Variants in SLC19A3 observed in about 807,000 individuals in gnomAD.
The protein encoded by SLC19A3 is thiamine transporter 2.
A neutral mutation model predicts 40.2 loss-of-function variants in SLC19A3; 31 were observed. That is an observed-to-expected ratio of 0.77 (90% confidence interval 0.58 to 1.04). SLC19A3 has a LOEUF of 1.04. SLC19A3 is among the 50% of genes least tolerant of loss of function. The pLI, the probability that SLC19A3 is intolerant of heterozygous loss-of-function variation, is 0.00. For missense variants in SLC19A3, 592 were observed against 596.7 expected (o/e 0.99, Z 0.08); for synonymous variants, 212 against 227.5 (o/e 0.93, Z 0.61).
At chr2:227,700,027 G>A (rs1020292996) in intron 2 of SLC19A3, among the ~76,000 whole-genome samples, 3 of 151,616 alleles carry the variant, frequency 2.0e-5, no homozygotes, top group Non-Finnish European at 4.4e-5. Context: ...ACAGGCACCC[G>A]CCATCATGCC....
In SLC19A3 at chr2:227,696,068, G is replaced by A. The variant is rs760600922; in HGVS notation, c.993C>T (p.Ala331=). 4 of 1,573,294 alleles carry A rather than the reference G, an allele frequency of 2.5e-6. No homozygotes were observed. The African/African-American group carries it at 6.3e-5, about 25-fold the overall frequency. Residue 331 remains alanine, a synonymous_variant, in exon 4 of 6, where the codon GCC becomes GCT. Coordinates refer to ENST00000644224, the MANE Select transcript of SLC19A3 (RefSeq NM_025243.4). ...AIATFGGAVA[A]FAVGYVKVNW... is the part of the protein sequence containing the mutation. ...TGACTTTCACATAACCCACTGCAAA[G>A]GCAGCCACAGCCCCTGAAAAAAAAC...
At position 227,686,118 on chromosome 2, in the gene SLC19A3, A is replaced by T. The variant is rs1400683380; in HGVS notation, c.*1279T>A. On this transcript the variant is annotated 3_prime_UTR_variant, in exon 6 of 6. Coordinates refer to ENST00000644224, the MANE Select transcript of SLC19A3 (RefSeq NM_025243.4). ...AGGCTGAGGTAGGAGAATGGCTTGA[A>T]CTCAGGAGGTGAAGTTTGCAGTGAG... is the stretch of plus-strand genomic sequence containing the variant. The T allele has an allele frequency of 4.5e-6, 2 of 448,308 alleles. No individual in the cohort carries two copies. The highest frequency in any genetic ancestry group is 4.0e-5 in the African/African-American group (2 of 49,562). The allele number at this position is 448,308 out of a possible 1,614,324, so 27.8% of individuals were successfully genotyped here.
rs376041742 is a variant in SLC19A3, at chr2:227,684,749, G to A, written c.*2648C>T. 1 of 152,072 alleles carries A rather than the reference G, an allele frequency of 6.6e-6. No homozygotes were observed. Among genetic ancestry groups the A allele is most frequent in the Non-Finnish European group, 1.5e-5 (1 of 68,062 alleles). 9.4% of individuals were successfully genotyped at this position (152,072 alleles called of 1,614,324 possible). On this transcript the variant is annotated 3_prime_UTR_variant, in exon 6 of 6. Coordinates refer to ENST00000644224, the MANE Select transcript of SLC19A3 (RefSeq NM_025243.4). ...TGTAATCCCAACACTTTGGGAGACC[G>A]AGACGGGCGGATCACCTGAGACCAG...
chr2:227,695,153 T>C (rs180846771), intron 4 of SLC19A3, among the ~76,000 whole-genome samples: 1 of 152,360 alleles, frequency 6.6e-6, no homozygotes, highest in East Asian at 1.9e-4. Flanking sequence ...TCCAACTTTT[T>C]AATAACTTTC....
At position 227,699,363 on chromosome 2, in the gene SLC19A3, C is replaced by G; in HGVS notation, c.352G>C (p.Ala118Pro). The G allele has an allele frequency of 6.2e-7, 1 of 1,614,132 alleles. No homozygotes were observed. The highest frequency in any genetic ancestry group is 8.5e-7 in the Non-Finnish European group (1 of 1,180,028). Reference sequence around the variant, plus strand: ...TAGGCGTAGTAGGCCACCTCGGCGGCGGTGACCATCCCATAGAAGAACTCT... The same window carrying G: ...TAGGCGTAGTAGGCCACCTCGGCGGGGGTGACCATCCCATAGAAGAACTCT... ...VVEFFYGMVT[A>P]AEVAYYAYIY... Residue 118 changes from alanine to proline, a missense_variant, in exon 3 of 6, where the codon GCC becomes CCC. Coordinates refer to ENST00000644224, the MANE Select transcript of SLC19A3 (RefSeq NM_025243.4).
intron 1 of SLC19A3, among the ~76,000 whole-genome samples, chr2:227,710,767 G>T (rs1696110413): frequency 6.6e-6 from 1 of 152,078 alleles, no homozygotes; most frequent in African/African-American, 2.4e-5. Context: ...ATTCCCAAAA[G>T]TTTTAGCTTA....
At chr2:227,712,869 T>A (rs1006567467) in intron 1 of SLC19A3, among the ~76,000 whole-genome samples, 6 of 151,854 alleles carry the variant, frequency 4.0e-5, no homozygotes, top group Non-Finnish European at 8.8e-5. Context: ...AAAACTTATC[T>A]GTAGTGATGG....
At chr2:227,691,073 G>A (rs898660684) in intron 4 of SLC19A3, among the ~76,000 whole-genome samples, 4 of 151,884 alleles carry the variant, frequency 2.6e-5, no homozygotes, top group African/African-American at 4.8e-5. Flanking sequence ...ATCAAACATC[G>A]TCTCTGACCA....
At chr2:227,715,219 C>T (rs1367015303) in intron 1 of SLC19A3, among the ~76,000 whole-genome samples, 2 of 151,742 alleles carry the variant, frequency 1.3e-5, no homozygotes, top group African/African-American at 4.8e-5. Flanking sequence ...AGCCTTATCA[C>T]CCATCTATAA....
chr2:227,709,839 G>A (rs1008730340), intron 1 of SLC19A3, among the ~76,000 whole-genome samples: 4 of 152,120 alleles, frequency 2.6e-5, no homozygotes, highest in African/African-American at 9.7e-5. Flanking sequence ...TAACCCAGAT[G>A]CCAGTAATTT....
chr2:227,698,962 G>C lies in SLC19A3; in HGVS notation c.753C>G (p.Ser251Arg), dbSNP rs747550083. The C allele has an allele frequency of 3.1e-6, 5 of 1,614,186 alleles. No individual in the cohort carries two copies. The highest frequency in any genetic ancestry group is 4.2e-6 in the Non-Finnish European group (5 of 1,180,032). ...SGKLNKGQLN[S>R]LKPSNVTVDV... ...CCACAGTCACATTGCTTGGTTTCAG[G>C]CTGTTCAGCTGGCCCTTATTCAGCT... is the stretch of plus-strand genomic sequence containing the variant. The change falls in exon 3 of 6, where the codon AGC becomes AGG. Residue 251 changes from serine (S) to arginine (R), a missense_variant. By Grantham distance (110) the Ser-to-Arg change is moderately radical. Coordinates refer to ENST00000644224, the MANE Select transcript of SLC19A3 (RefSeq NM_025243.4).
rs1011760451 is a variant in SLC19A3, at chr2:227,686,244, A to T, written c.*1153T>A. 1 of 361,858 alleles carries T rather than the reference A, an allele frequency of 2.8e-6. No homozygotes were observed. Among genetic ancestry groups the T allele is most frequent in the Admixed American group, 3.2e-5 (1 of 30,902 alleles). The allele number at this position is 361,858 out of a possible 1,614,324, so 22.4% of individuals were successfully genotyped here. A position where few individuals can be genotyped will look rare whatever the true frequency, so the allele number is the denominator to read the frequency against. On this transcript the variant is annotated 3_prime_UTR_variant, in exon 6 of 6. Transcript: ENST00000644224. The stretch of plus-strand genomic sequence containing the variant: ...GGTGTTTTATTCCACTCCCCCCATC[A>T]GTGTTTTCTTATTTCTAATACTTCT...
intron 4 of SLC19A3, among the ~76,000 whole-genome samples, chr2:227,694,982 C>T (rs1695371008): frequency 6.6e-6 from 1 of 152,148 alleles, no homozygotes; most frequent in African/African-American, 2.4e-5. Context: ...ACTGCTTGAG[C>T]CCAGGAGATC....
In SLC19A3 at chr2:227,707,364, C is replaced by A. The variant is rs117583510; in HGVS notation, c.-2-5044G>T. Among the ~76,000 whole-genome samples, 491 of 152,194 alleles carry A rather than the reference C, an allele frequency of 3.2e-3. 18 individuals are homozygous for A. The East Asian group carries it at 0.088, about 27-fold the overall frequency. On this transcript the variant is annotated intron_variant, in intron 1 of 5. Transcript: ENST00000644224. The stretch of plus-strand genomic sequence containing the variant: ...CTGTGGGAGGCCAAGTCAGGTGGAT[C>A]GCTTGAGCTCAGGTGTTCGAGACTA...
chr2:227,687,193 C>T lies in SLC19A3; in HGVS notation c.*204G>A, dbSNP rs560082192. On this transcript the variant is annotated 3_prime_UTR_variant, in exon 6 of 6. Transcript: ENST00000644224. ...AATATGGGTTGTTTAATTATGATGA[C>T]GGGTCCTGTCAATTGCATCCAGTAA... The T allele has an allele frequency of 3.0e-4, 158 of 519,934 alleles. No homozygotes were observed. The highest frequency in any genetic ancestry group is 3.8e-4 in the African/African-American group (20 of 52,396). The allele number at this position is 519,934 out of a possible 1,614,324, so 32.2% of individuals were successfully genotyped here. A position where few individuals can be genotyped will look rare whatever the true frequency, so the allele number is the denominator to read the frequency against.
At chr2:227,706,427 C>T in intron 1 of SLC19A3, 1 of 1,230,926 alleles carries the variant, frequency 8.1e-7, no homozygotes, top group Non-Finnish European at 1.0e-6. Flanking sequence ...TTATTATAAG[C>T]TCTATCACTT....
rs997233344 is a variant in SLC19A3 at position 227,686,640 on chromosome 2, C to T, written c.*757G>A. On this transcript the variant is annotated 3_prime_UTR_variant, in exon 6 of 6. Transcript: ENST00000644224. Reference sequence around the variant, plus strand: ...GGCCCATAGATGCATTAACACCTGTCTATGGTGGTGGAGAGAAGGCTCACT... The same window carrying T: ...GGCCCATAGATGCATTAACACCTGTTTATGGTGGTGGAGAGAAGGCTCACT... 2.4e-4 allele frequency: 36 copies of T among 152,200 alleles called. No individual in the cohort carries two copies. The highest frequency in any genetic ancestry group is 8.7e-4 in the African/African-American group (36 of 41,406). The allele number at this position is 152,200 out of a possible 1,614,324, so 9.4% of individuals were successfully genotyped here.
chr2:227,692,879 C>T (rs1695286545), intron 4 of SLC19A3, among the ~76,000 whole-genome samples: 1 of 152,092 alleles, frequency 6.6e-6, no homozygotes, highest in Non-Finnish European at 1.5e-5. Flanking sequence ...AATCAACATA[C>T]AAAACTCCAT....
intron 1 of SLC19A3, among the ~76,000 whole-genome samples, chr2:227,708,135 A>T (rs963820214): frequency 2.6e-5 from 4 of 152,074 alleles, no homozygotes; most frequent in Non-Finnish European, 5.9e-5. Flanking sequence ...CTTTTGAAAA[A>T]AACTCTCTTG....
Sources: gnomAD v4.1 joint callset for allele counts (sites outside exome capture counted in the v4.1 genomes callset) on GRCh38, gnomAD v4.1.1 for gene constraint, MANE v1.5 for transcripts, NCBI Gene and HGNC (gene_info 2026-07-23, HGNC 2026-07-21) for gene names.